PCDHA7: variants seen among roughly 807,000 people sequenced by gnomAD.
PCDHA7 encodes the protein protocadherin alpha 7, also known as protocadherin alpha-7.
Under a neutral mutation model 57.2 loss-of-function variants are expected in PCDHA7, and 37 were observed. The ratio of observed to expected loss-of-function variants is 0.65; its 90% CI spans 0.50 to 0.85. The LOEUF is 0.85. Ranked by LOEUF, PCDHA7 falls within the 40% of genes least tolerant of loss-of-function variation. PCDHA7 has a pLI of 0.00. For synonymous variants in PCDHA7, 553 were observed against 558.8 expected (o/e 0.99, Z 0.15); for missense variants, 1,188 against 1,241.8 (o/e 0.96, Z 0.65).
chr5:140,901,196 C>T (rs1294830498), intron 1 of PCDHA7, among the ~76,000 whole-genome samples: 7 of 152,222 alleles, frequency 4.6e-5, no homozygotes, highest in African/African-American at 1.7e-4. Flanking sequence ...CTTTTCTGTG[C>T]AGAAGGTTTT....
chr5:140,967,503 G>C (rs369053625), intron 1 of PCDHA7: 1 of 1,612,938 alleles, frequency 6.2e-7, no homozygotes, highest in Non-Finnish European at 8.5e-7. Context: ...ATCTCTGTGC[G>C]TGTCCTGGAC....
In PCDHA7 at chr5:140,882,320, C is replaced by T. The variant is rs374687530; in HGVS notation, c.2355+45582C>T. The T allele has an allele frequency of 2.8e-5, 45 of 1,614,182 alleles. No homozygotes were observed. The African/African-American group carries it at 5.6e-4, about 20-fold the overall frequency. On this transcript the variant is annotated intron_variant, in intron 1 of 3. Coordinates refer to ENST00000525929, the MANE Select transcript of PCDHA7 (RefSeq NM_018910.3). ...AAGACCGCGGCAACTACTGCTCTGG[C>T]TTCTGATCCTCGCAGCCTGGGAGAC... is the stretch of plus-strand genomic sequence containing the variant.
intron 1 of PCDHA7, among the ~76,000 whole-genome samples, chr5:140,846,665 C>T (rs1299063371): frequency 3.4e-5 from 5 of 149,130 alleles, no homozygotes; most frequent in East Asian, 3.9e-4. Context: ...TGAGCCACCG[C>T]GCCCAGCCTA....
chr5:140,966,641 A>T, intron 1 of PCDHA7: 1 of 1,104,530 alleles, frequency 9.1e-7, no homozygotes, highest in South Asian at 2.2e-5. Flanking sequence ...GGCGCTTTCT[A>T]GAGCGTGAGC....
chr5:140,952,977 C>T (rs148504111), intron 1 of PCDHA7, among the ~76,000 whole-genome samples: 2 of 152,182 alleles, frequency 1.3e-5, no homozygotes, highest in East Asian at 3.9e-4. Context: ...TTTTAAACAA[C>T]AAGATCTCAT....
rs2150358522 is a variant in PCDHA7 at position 140,843,370 on chromosome 5, G to C, written c.2355+6632G>C. 44 of 1,595,972 alleles carry C rather than the reference G, an allele frequency of 2.8e-5. 4 individuals carry two copies. The highest frequency in any genetic ancestry group is 3.5e-5 in the Non-Finnish European group (41 of 1,165,612). ...CTCCAAAAGCGTCATCGAGGCAGTC[G>C]GCTGGCGTTTTGGGTCCGGAAGCGG... On this transcript the variant is annotated intron_variant, in intron 1 of 3. Transcript: ENST00000525929.
At chr5:140,887,039 T>G (rs1396033565) in intron 1 of PCDHA7, among the ~76,000 whole-genome samples, 2 of 152,156 alleles carry the variant, frequency 1.3e-5, no homozygotes, top group African/African-American at 4.8e-5. Flanking sequence ...TTAATATTTT[T>G]TATAGTGCAT....
chr5:140,898,671 G>A lies in PCDHA7; in HGVS notation c.2355+61933G>A, dbSNP rs1419362877. 2.2e-4 allele frequency among the ~76,000 whole-genome samples: 33 copies of A among 152,200 alleles called. No homozygotes were observed. The East Asian group carries it at 2.3e-3, about 11-fold the overall frequency. On this transcript the variant is annotated intron_variant, in intron 1 of 3. Transcript: ENST00000525929. ...TGGCTTAGGATTGACTTGGTGTTGCGGGCTGTTTTTTGGTTCCATATGAAC... is the reference window on the plus strand; with the variant it reads ...TGGCTTAGGATTGACTTGGTGTTGCAGGCTGTTTTTTGGTTCCATATGAAC...
At chr5:140,969,450 G>A (rs1554231822) in intron 1 of PCDHA7, 4 of 1,511,552 alleles carry the variant, frequency 2.6e-6, no homozygotes, top group Non-Finnish European at 3.6e-6. Flanking sequence ...GGTAAACTGA[G>A]TATATATAGT....
At chr5:140,958,888 A>G (rs1563299951) in intron 1 of PCDHA7, among the ~76,000 whole-genome samples, 3 of 152,040 alleles carry the variant, frequency 2.0e-5, no homozygotes, top group African/African-American at 7.2e-5. Flanking sequence ...ACCAGTAGCT[A>G]TATAATAGAT....
At chr5:140,876,238 CA>C in intron 1 of PCDHA7, 4 of 1,613,896 alleles carry the variant, frequency 2.5e-6, no homozygotes, top group Non-Finnish European at 3.4e-6. Context: ...TGAAAATGTC[CA>C]AAACGACACA....
At chr5:140,927,970 G>C in intron 1 of PCDHA7, 2 of 1,614,216 alleles carry the variant, frequency 1.2e-6, no homozygotes, top group Non-Finnish European at 1.7e-6. Context: ...CACAGTGATT[G>C]CTCTCTTTAG....
rs556069691 is a variant in PCDHA7 at position 140,951,526 on chromosome 5, G to A, written c.2356-27423G>A. Among the ~76,000 whole-genome samples the A allele has an allele frequency of 7.4e-4, 112 of 152,076 alleles. 1 individual carries two copies. The highest frequency in any genetic ancestry group is 2.6e-3 in the African/African-American group (107 of 41,516). ...GGAAAGCGGCTCATCTTACATGGCC[G>A]GTGCAGGAGCAAGGGACGGGGGGAA... is the stretch of plus-strand genomic sequence containing the variant. On this transcript the variant is annotated intron_variant, in intron 1 of 3. Transcript: ENST00000525929.
intron 1 of PCDHA7, chr5:140,926,928 G>GT: frequency 1.3e-6 from 2 of 1,574,878 alleles, no homozygotes; most frequent in South Asian, 2.4e-5. Context: ...TATGTTTGTG[G>GT]GTTTCCTGCG....
intron 1 of PCDHA7, chr5:140,869,435 A>G (rs1554163053): frequency 6.2e-7 from 1 of 1,614,208 alleles, no homozygotes; most frequent in Admixed American, 1.7e-5. Context: ...GTGATCGTGG[A>G]CAGGCCGCTG....
chr5:140,835,733 C>T lies in PCDHA7; in HGVS notation c.1350C>T (p.Asp450=), dbSNP rs2150243332. Residue 450 remains aspartate, a synonymous_variant, in exon 1 of 4, where the codon GAC becomes GAT. Coordinates refer to ENST00000525929, the MANE Select transcript of PCDHA7 (RefSeq NM_018910.3). Reference sequence around the variant, plus strand: ...CCGTGGAGGTGGCCGACGTGAACGACAACGCCCCGGCGTTCGCGCAGCCCG... The same window carrying T: ...CCGTGGAGGTGGCCGACGTGAACGATAACGCCCCGGCGTTCGCGCAGCCCG... ...SVSVEVADVN[D]NAPAFAQPEY... 1.2e-6 allele frequency: 2 copies of T among 1,613,810 alleles called. No individual in the cohort carries two copies.
At chr5:140,858,024 C>T (rs782656168) in intron 1 of PCDHA7, 4 of 1,596,582 alleles carry the variant, frequency 2.5e-6, no homozygotes, top group African/African-American at 1.3e-5. Context: ...CCGTCGCTGA[C>T]GGCCACGGCC....
intron 1 of PCDHA7, among the ~76,000 whole-genome samples, chr5:140,891,446 G>T (rs1554184841): frequency 1.0e-4 from 15 of 149,150 alleles, no homozygotes. Context: ...CATTGTATAG[G>T]ATTTTTGAAT....
At chr5:140,886,871 T>C (rs1045804511) in intron 1 of PCDHA7, among the ~76,000 whole-genome samples, 1 of 151,744 alleles carries the variant, frequency 6.6e-6, no homozygotes, top group Non-Finnish European at 1.5e-5. Flanking sequence ...AACTCCTATA[T>C]TGAACATTCA....
Sources: gnomAD v4.1 joint callset for allele counts (sites outside exome capture counted in the v4.1 genomes callset) on GRCh38, gnomAD v4.1.1 for gene constraint, MANE v1.5 for transcripts, NCBI Gene and HGNC (gene_info 2026-07-23, HGNC 2026-07-21) for gene names.